The following SULF2 variants were observed in gnomAD, a reference collection of about 807,000 sequenced individuals.
SULF2 encodes extracellular sulfatase Sulf-2.
Under a neutral mutation model 107.7 loss-of-function variants are expected in SULF2, and 52 were observed. The ratio of observed to expected loss-of-function variants is 0.48; its 90% CI spans 0.39 to 0.61. The LOEUF (loss-of-function observed/expected upper bound fraction) is 0.61, where lower values mean the gene tolerates loss of function less well. Ranked by LOEUF, SULF2 falls within the 20% of genes least tolerant of loss-of-function variation. SULF2 has a pLI of 0.00. For missense variants in SULF2, 993 were observed against 1,177.3 expected (o/e 0.84, Z 2.29); for synonymous variants, 460 against 464.3 (o/e 0.99, Z 0.12).
In SULF2 at chr20:47,773,755, T is replaced by TG. The variant is rs1394071555; in HGVS notation, c.-101+11587dup. On this transcript the variant is annotated intron_variant, in intron 1 of 20. Coordinates refer to ENST00000688720, the MANE Select transcript of SULF2 (RefSeq NM_001387048.1). The stretch of plus-strand genomic sequence containing the variant: ...CAGAGTCATTATTCACGCCTAACTG[T>TG]GGGCTGGTTCTCAGTGTAGACTGCC... Among the ~76,000 whole-genome samples the TG allele has an allele frequency of 1.8e-3, 275 of 152,376 alleles. 3 individuals are homozygous for TG. Among genetic ancestry groups the TG allele is most frequent in the East Asian group, 7.7e-4 (4 of 5,196 alleles).
intron 3 of SULF2, among the ~76,000 whole-genome samples, chr20:47,732,546 A>G (rs1185942590): frequency 2.6e-5 from 4 of 152,178 alleles, no homozygotes; most frequent in Non-Finnish European, 5.9e-5. Flanking sequence ...AACCTTTGTA[A>G]AAACTGAGGA....
chr20:47,677,875 A>G (rs1802600886), intron 8 of SULF2: 2 of 152,456 alleles, frequency 1.3e-5, no homozygotes, highest in Admixed American at 1.3e-4. Context: ...GTCCCCCTAC[A>G]GGGCAGCCAG....
At chr20:47,659,536 C>G in intron 19 of SULF2, 84 bp from the exon 20 acceptor site, 1 of 1,477,090 alleles carries the variant, frequency 6.8e-7, no homozygotes, top group Non-Finnish European at 9.5e-7. Context: ...CAAAGAAGGT[C>G]TCCTAGGTGA....
intron 5 of SULF2, among the ~76,000 whole-genome samples, chr20:47,688,431 A>T (rs957919371): frequency 9.2e-5 from 14 of 152,232 alleles, no homozygotes; most frequent in Non-Finnish European, 1.6e-4. Flanking sequence ...ACCAGCAGGC[A>T]ATGCCAAACA....
At chr20:47,721,877 CT>C (rs1283903492) in intron 3 of SULF2, among the ~76,000 whole-genome samples, 1 of 152,104 alleles carries the variant, frequency 6.6e-6, no homozygotes, top group Non-Finnish European at 1.5e-5. Flanking sequence ...AGGGTATCTC[CT>C]TTTGCCTGGC....
chr20:47,777,126 G>A (rs1423899033), intron 1 of SULF2, among the ~76,000 whole-genome samples: 3 of 152,194 alleles, frequency 2.0e-5, no homozygotes, highest in African/African-American at 4.8e-5. Context: ...AAGCAAACCA[G>A]GCTAATTCCA....
intron 5 of SULF2, among the ~76,000 whole-genome samples, chr20:47,687,684 T>C (rs898608244): frequency 1.6e-5 from 1 of 61,724 alleles, no homozygotes; most frequent in African/African-American, 4.5e-5. Flanking sequence ...TGTCTGTAAC[T>C]GTGTATTTTT....
intron 14 of SULF2, 65 bp from the exon 15 acceptor site, chr20:47,664,254 A>C: frequency 6.6e-7 from 1 of 1,518,028 alleles, no homozygotes; most frequent in Non-Finnish European, 9.0e-7. Context: ...GGCAGGTGCA[A>C]GCTGTGATTT....
chr20:47,706,168 T>C (rs1418175308), intron 3 of SULF2, among the ~76,000 whole-genome samples: 2 of 152,092 alleles, frequency 1.3e-5, no homozygotes, highest in African/African-American at 4.8e-5. Flanking sequence ...CCTCAGGTCT[T>C]TGGAGCCATA....
At chr20:47,715,093 A>ATTT (rs869126418) in intron 3 of SULF2, among the ~76,000 whole-genome samples, 7 of 128,986 alleles carry the variant, frequency 5.4e-5, no homozygotes, top group East Asian at 2.3e-4. Context: ...TAACTTTTGT[A>ATTT]TTTTTTTTTT....
Position 47,665,232 on chromosome 20 carries a change from T to C in SULF2, c.1964A>G (p.Lys655Arg). The change falls in exon 14 of 21, where the codon AAG becomes AGG. Residue 655 changes from lysine (K) to arginine (R), a missense_variant. Lys to Arg is a conservative substitution (Grantham distance 26). Transcript: ENST00000688720. ...LREVRGHLKK[K>R]RPEECDCHKI... ...GTGACAGTCACATTCTTCTGGCCGC[T>C]TTTTCTTCAGGTGACCTCGGACTTC... The C allele has an allele frequency of 6.2e-7, 1 of 1,613,828 alleles. No individual in the cohort carries two copies. The highest frequency in any genetic ancestry group is 8.5e-7 in the Non-Finnish European group (1 of 1,179,690).
At chr20:47,765,272 G>A (rs115629934) in intron 1 of SULF2, among the ~76,000 whole-genome samples, 6 of 151,780 alleles carry the variant, frequency 4.0e-5, no homozygotes, top group East Asian at 1.9e-4. Context: ...GGAGAATAGC[G>A]TGAACTCAGA....
At chr20:47,672,802 C>G (rs1375282271) in intron 10 of SULF2, among the ~76,000 whole-genome samples, 1 of 152,198 alleles carries the variant, frequency 6.6e-6, no homozygotes, top group African/African-American at 2.4e-5. Context: ...TGCAATCTGG[C>G]CCTGGCCTAC....
chr20:47,659,488 A>T, intron 19 of SULF2, 36 bp from the exon 20 acceptor site: 4 of 1,608,498 alleles, frequency 2.5e-6, no homozygotes, highest in Non-Finnish European at 3.4e-6. Context: ...ATGAATGTTA[A>T]CCATCACCAA....
intron 18 of SULF2, 142 bp from the exon 19 acceptor site, chr20:47,659,872 A>G: frequency 3.0e-6 from 2 of 669,586 alleles, no homozygotes; most frequent in South Asian, 3.8e-5. Flanking sequence ...AGACTGAATT[A>G]TGAGGGGTAG....
At chr20:47,781,289 C>T (rs1676271414) in intron 1 of SULF2, among the ~76,000 whole-genome samples, 1 of 152,250 alleles carries the variant, frequency 6.6e-6, no homozygotes, top group Admixed American at 6.5e-5. Context: ...ATTAGTGGCC[C>T]ATCATCGCAG....
rs138665758 is a variant in SULF2, at chr20:47,723,045, C to G, written c.415+13658G>C. 3.3e-5 allele frequency among the ~76,000 whole-genome samples: 5 copies of G among 151,520 alleles called. No homozygotes were observed. The East Asian group carries it at 9.7e-4, about 29-fold the overall frequency. ...TCGTGGCACAGCACTCCAGGCTGGG[C>G]GACAGAGCAAGACTCCGTCTCAAAA... On this transcript the variant is annotated intron_variant, in intron 3 of 20. Coordinates refer to ENST00000688720, the MANE Select transcript of SULF2 (RefSeq NM_001387048.1).
chr20:47,672,406 C>A lies in SULF2; in HGVS notation c.1381-13G>T. 3 of 1,586,130 alleles carry A rather than the reference C, an allele frequency of 1.9e-6. No homozygotes were observed. The highest frequency in any genetic ancestry group is 2.6e-6 in the Non-Finnish European group (3 of 1,166,192). Reference sequence around the variant, plus strand: ...CACACTGCCACTTCTGAAAGACATGCCAGGGCCTCGGCCAGCTGCTCATCT... The same window carrying A: ...CACACTGCCACTTCTGAAAGACATGACAGGGCCTCGGCCAGCTGCTCATCT... On this transcript the variant is annotated splice_polypyrimidine_tract_variant and intron_variant, in intron 10 of 20. Coordinates refer to ENST00000688720, the MANE Select transcript of SULF2 (RefSeq NM_001387048.1).
At chr20:47,711,878 GA>G (rs1366638348) in intron 3 of SULF2, among the ~76,000 whole-genome samples, 1 of 152,028 alleles carries the variant, frequency 6.6e-6, no homozygotes, top group African/African-American at 2.4e-5. Context: ...ACACACGAGT[GA>G]ATACATGACA....
Sources: allele counts gnomAD v4.1 joint callset (sites outside exome capture counted in the v4.1 genomes callset), GRCh38; gene constraint gnomAD v4.1.1; transcripts MANE v1.5; gene names NCBI Gene and HGNC (gene_info 2026-07-23, HGNC 2026-07-21).